Variants in CELF2 observed in about 807,000 individuals in gnomAD.
CELF2 encodes the protein CUG triplet repeat RNA-binding protein 2.
CELF2 carries 8 observed loss-of-function variants against 62.6 expected under a neutral mutation model. The observed-to-expected ratio is 0.13, with a 90% CI of 0.07 to 0.23. CELF2 has a LOEUF of 0.23. Among genes scored for constraint, CELF2 ranks in the 10% least tolerant of loss-of-function variants. The pLI is 1.00. For missense variants in CELF2, 333 were observed against 671.0 expected (o/e 0.50, Z 5.56); for synonymous variants, 258 against 250.0 (o/e 1.03, Z -0.30).
the CELF2 span, among the ~76,000 whole-genome samples, chr10:10,533,555 A>G: frequency 0.095 from 14,465 of 152,318 alleles, 838 homozygotes; most frequent in East Asian, 0.23. Flanking sequence ...AGTAACTTAC[A>G]GAGGGAAAAG....
intron 4 of CELF2, among the ~76,000 whole-genome samples, chr10:11,256,325 C>T (rs550936276): frequency 6.6e-6 from 1 of 152,326 alleles, no homozygotes; most frequent in African/African-American, 2.4e-5. Flanking sequence ...CTTCTCAGCA[C>T]AGAGGTGTGC....
At chr10:10,673,857 C>G in the CELF2 span, among the ~76,000 whole-genome samples, 1 of 152,110 alleles carries the variant, frequency 6.6e-6, no homozygotes, top group African/African-American at 2.4e-5. Context: ...TCATTGATTT[C>G]TAATTTAACT....
chr10:11,314,652 G>C lies in CELF2; in HGVS notation c.1096+394G>C, dbSNP rs1161959737. On this transcript the variant is annotated intron_variant, in intron 10 of 12. Coordinates refer to ENST00000633077, the MANE Select transcript of CELF2 (RefSeq NM_001326342.2). This position sits in a 1 kb window ranked among gnomAD's most constrained non-coding sequence, Gnocchi z 5.3. ...AGCCTGAACCCAGCTCTGCTGCCAG[G>C]CAGCTGTGGGAAGTCAGGCAGATGC... The C allele has an allele frequency of 4.0e-5, 13 of 324,512 alleles. No individual in the cohort carries two copies. Among genetic ancestry groups the C allele is most frequent in the Non-Finnish European group, 7.2e-5 (12 of 166,036 alleles). The allele number at this position is 324,512 out of a possible 1,614,324, so 20.1% of individuals were successfully genotyped here. A position where few individuals can be genotyped will look rare whatever the true frequency, so the allele number is the denominator to read the frequency against.
chr10:10,806,403 C>T (rs1377275133), intron 1 of CELF2, among the ~76,000 whole-genome samples: 1 of 152,124 alleles, frequency 6.6e-6, no homozygotes, highest in African/African-American at 2.4e-5. Flanking sequence ...CAGGGCTTCA[C>T]CACGTTGGCC....
intron 1 of CELF2, among the ~76,000 whole-genome samples, chr10:10,913,203 G>GGAAA (rs1456519742): frequency 6.6e-6 from 1 of 152,112 alleles, no homozygotes; most frequent in Non-Finnish European, 1.5e-5. Context: ...AAAACATAGT[G>GGAAA]ATGAATGACC....
At chr10:11,190,984 C>CA (rs1358560240) in intron 2 of CELF2, among the ~76,000 whole-genome samples, 1 of 152,028 alleles carries the variant, frequency 6.6e-6, no homozygotes, top group Non-Finnish European at 1.5e-5. Context: ...GTTACAGTTG[C>CA]ACAGCAGCAT....
rs925878380 is a variant in CELF2, at chr10:10,928,683, C to A, written c.89+8684C>A. 3.3e-5 allele frequency among the ~76,000 whole-genome samples: 5 copies of A among 152,144 alleles called. No homozygotes were observed. The highest frequency in any genetic ancestry group is 5.9e-5 in the Non-Finnish European group (4 of 68,022). On this transcript the variant is annotated intron_variant, in intron 2 of 13. Coordinates refer to the CELF2 transcript ENST00000636488. This position sits in a 1 kb window ranked among gnomAD's most constrained non-coding sequence, Gnocchi z 4.8. Reference sequence around the variant, plus strand: ...ATACACATCCTAGGTTTCTTTGATACCTTCTCTGCCCTGAAGAGATTTATG... The same window carrying A: ...ATACACATCCTAGGTTTCTTTGATAACTTCTCTGCCCTGAAGAGATTTATG...
chr10:10,866,920 C>CAAAA (rs56098222), intron 1 of CELF2, among the ~76,000 whole-genome samples: 1 of 97,740 alleles, frequency 1.0e-5, no homozygotes. Flanking sequence ...AACTCCTTCT[C>CAAAA]AAAAAAAAAA....
chr10:10,707,901 C>G, the CELF2 span, among the ~76,000 whole-genome samples: 3 of 151,902 alleles, frequency 2.0e-5, no homozygotes. Flanking sequence ...GGACCTAATC[C>G]CTACAAGGTG....
chr10:10,818,217 G>A (rs1410862067), intron 1 of CELF2, among the ~76,000 whole-genome samples: 1 of 152,132 alleles, frequency 6.6e-6, no homozygotes, highest in East Asian at 1.9e-4. Context: ...CATTCACAAG[G>A]CCTCCAGGAA....
intron 1 of CELF2, among the ~76,000 whole-genome samples, chr10:10,857,252 G>A (rs1292802001): frequency 6.6e-6 from 1 of 152,042 alleles, no homozygotes; most frequent in Admixed American, 6.6e-5. Flanking sequence ...GAACAACCAG[G>A]GATTCTATAA....
intron 1 of CELF2, among the ~76,000 whole-genome samples, chr10:10,874,013 A>G (rs2060924955): frequency 6.6e-6 from 1 of 152,186 alleles, no homozygotes; most frequent in African/African-American, 2.4e-5. Context: ...CTGAAATTAT[A>G]TATTAAAATG....
chr10:10,660,286 T>C, the CELF2 span, among the ~76,000 whole-genome samples: 5 of 152,358 alleles, frequency 3.3e-5, no homozygotes, highest in African/African-American at 1.2e-4. Flanking sequence ...AGGTAAGTTT[T>C]ATCCCAGATT....
intron 1 of CELF2, among the ~76,000 whole-genome samples, chr10:11,136,423 G>A (rs1020690480): frequency 3.9e-5 from 6 of 152,076 alleles, no homozygotes; most frequent in African/African-American, 4.8e-5. Flanking sequence ...CCAACGTGGC[G>A]AAACTCCATC....
upstream of CELF2, among the ~76,000 whole-genome samples, chr10:11,017,767 A>C (rs2057475003): frequency 5.9e-5 from 9 of 151,570 alleles, no homozygotes; most frequent in South Asian, 1.9e-3. This position sits in a 1 kb window ranked among gnomAD's most constrained non-coding sequence, Gnocchi z 5.5. Context: ...GTGAGCGCGG[A>C]GGCGGCCCGC....
At position 11,057,699 on chromosome 10, in the gene CELF2, A is replaced by G. The variant is rs530567010; in HGVS notation, c.74+39536A>G. Among the ~76,000 whole-genome samples, 4 of 152,288 alleles carry G rather than the reference A, an allele frequency of 2.6e-5. No individual in the cohort carries two copies. In the South Asian group the frequency reaches 6.2e-4, roughly 24 times the overall value. ...GCTGGCTTTTTAAGCATAAGGATGT[A>G]ACGTGGGGATGGTGATTGTCAGATT... On this transcript the variant is annotated intron_variant, in intron 1 of 12. Transcript: ENST00000633077.
chr10:10,865,635 C>G (rs1300255505), intron 1 of CELF2, among the ~76,000 whole-genome samples: 2 of 152,072 alleles, frequency 1.3e-5, no homozygotes, highest in African/African-American at 4.8e-5. Flanking sequence ...CTCTGCCTAG[C>G]AGGTAAAATA....
At chr10:10,937,365 A>T (rs1164668147) in intron 2 of CELF2, 1 of 152,132 alleles carries the variant, frequency 6.6e-6, no homozygotes, top group Non-Finnish European at 1.5e-5. Flanking sequence ...TCCTGACCTC[A>T]GGTGATCCGT....
chr10:11,022,234 G>T (rs187886992), intron 1 of CELF2, among the ~76,000 whole-genome samples: 1 of 152,110 alleles, frequency 6.6e-6, no homozygotes, highest in Non-Finnish European at 1.5e-5. Context: ...AGATTGCTCC[G>T]TTAACAGCAC....
Sources: gnomAD v4.1 joint callset for allele counts (sites outside exome capture counted in the v4.1 genomes callset) on GRCh38, gnomAD v4.1.1 for gene constraint, Gnocchi (gnomAD v3.1) non-coding constraint, MANE v1.5 for transcripts, NCBI Gene and HGNC (gene_info 2026-07-23, HGNC 2026-07-21) for gene names.